The following KCNQ1OT1 variants were observed in gnomAD, a reference collection of about 807,000 sequenced individuals.
KCNQ1OT1 encodes the protein KCNQ1 opposite strand/antisense transcript 1, also known as KCNQ1 antisense RNA 2 (non-protein coding).
exon 1 of KCNQ1OT1, chr11:2,688,796 C>G (rs754643894): frequency 2.5e-6 from 1 of 398,672 alleles, no homozygotes; most frequent in Non-Finnish European, 4.4e-6. Context: ...TGCCCTCCCC[C>G]ACACACAGCC....
Position 2,608,589 on chromosome 11 carries a change from C to T in KCNQ1OT1, n.91406G>A, listed in dbSNP as rs1242985715. 2.8e-5 allele frequency: 11 copies of T among 398,506 alleles called. No homozygotes were observed. In the East Asian group the frequency reaches 2.9e-4, roughly 10 times the overall value. The allele number at this position is 398,506 out of a possible 1,614,324, so 24.7% of individuals were successfully genotyped here. A position where few individuals can be genotyped will look rare whatever the true frequency, so the allele number is the denominator to read the frequency against. On this transcript the variant is annotated non_coding_transcript_exon_variant, in exon 1 of 1. Coordinates refer to ENST00000597346, the Ensembl canonical transcript of KCNQ1OT1. The surrounding 1 kb of genome is among the most constrained non-coding windows in gnomAD (Gnocchi z 4.6). ...CTCCTAGTCTCAAGTGATCCTTGCCCCTTAGCCTATGACAGGTGTGCACCA... is the reference window on the plus strand; with the variant it reads ...CTCCTAGTCTCAAGTGATCCTTGCCTCTTAGCCTATGACAGGTGTGCACCA...
rs1849911984 is a variant in KCNQ1OT1 at position 2,659,474 on chromosome 11, T to C, written n.40521A>G. On this transcript the variant is annotated non_coding_transcript_exon_variant, in exon 1 of 1. Coordinates refer to ENST00000597346, the Ensembl canonical transcript of KCNQ1OT1. This position sits in a 1 kb window ranked among gnomAD's most constrained non-coding sequence, Gnocchi z 4.3. Reference sequence around the variant, plus strand: ...TATTGCTGGGTGGTATTCCATTGCATGAATATATACATTTTGTTTATGCAT... The same window carrying C: ...TATTGCTGGGTGGTATTCCATTGCACGAATATATACATTTTGTTTATGCAT... 2 of 398,614 alleles carry C rather than the reference T, an allele frequency of 5.0e-6. No individual in the cohort carries two copies. Among genetic ancestry groups the C allele is most frequent in the East Asian group, 3.6e-5 (1 of 28,058 alleles). 24.7% of individuals were successfully genotyped at this position (398,614 alleles called of 1,614,324 possible). A position where few individuals can be genotyped will look rare whatever the true frequency, so the allele number is the denominator to read the frequency against.
exon 1 of KCNQ1OT1, chr11:2,699,983 G>A (rs183841991): frequency 2.3e-5 from 9 of 398,180 alleles, no homozygotes; most frequent in South Asian, 1.3e-4. Context: ...GAGGCGACGC[G>A]GCGACCGTTC....
rs1348529386 is a variant in KCNQ1OT1, at chr11:2,657,100, T to C, written n.42895A>G. 5.0e-6 allele frequency: 2 copies of C among 398,506 alleles called. No individual in the cohort carries two copies. Among genetic ancestry groups the C allele is most frequent in the Non-Finnish European group, 8.8e-6 (2 of 226,074 alleles). The allele number at this position is 398,506 out of a possible 1,614,324, so 24.7% of individuals were successfully genotyped here. On this transcript the variant is annotated non_coding_transcript_exon_variant, in exon 1 of 1. Transcript: ENST00000597346. The surrounding 1 kb of genome is among the most constrained non-coding windows in gnomAD (Gnocchi z 4.8). ...GCCTATTTGTCTCTCCCTGTGTCAA[T>C]ACCACATTGCCCTAATGACCACTGC... is the stretch of plus-strand genomic sequence containing the variant.
At chr11:2,648,667 A>T in exon 1 of KCNQ1OT1, 1 of 398,544 alleles carries the variant, frequency 2.5e-6, no homozygotes, top group Non-Finnish European at 4.4e-6. Flanking sequence ...TTAAAAATTT[A>T]TTGAGACCCG....
At chr11:2,655,058 T>A (rs1407992266) in exon 1 of KCNQ1OT1, 52 of 398,516 alleles carry the variant, frequency 1.3e-4, no homozygotes, top group Non-Finnish European at 1.3e-5. Context: ...ATCTGTTTCC[T>A]TCTAGTCTTT....
chr11:2,643,258 A>C (rs999913827), exon 1 of KCNQ1OT1: 18 of 398,028 alleles, frequency 4.5e-5, no homozygotes, highest in African/African-American at 6.2e-5. Flanking sequence ...GGAAATGGAG[A>C]ATTGAAGTTC....
exon 1 of KCNQ1OT1, chr11:2,685,633 G>T (rs934888785): frequency 1.3e-4 from 51 of 398,588 alleles, no homozygotes; most frequent in Non-Finnish European, 2.7e-5. Flanking sequence ...TCCACTCAGG[G>T]TTGAGGGGAC....
rs1250603235 is a variant in KCNQ1OT1 at position 2,674,783 on chromosome 11, C to T, written n.25212G>A. The stretch of plus-strand genomic sequence containing the variant: ...GCCAGACCAGCTTCCTGGAAACTCT[C>T]GCCAACTGCTGGCCTTTGGAAAGGC... On this transcript the variant is annotated non_coding_transcript_exon_variant, in exon 1 of 1. Transcript: ENST00000597346. This position sits in a 1 kb window ranked among gnomAD's most constrained non-coding sequence, Gnocchi z 5.9. The T allele has an allele frequency of 1.3e-5, 5 of 395,120 alleles. No homozygotes were observed. The highest frequency in any genetic ancestry group is 2.1e-5 in the African/African-American group (1 of 47,116). The allele number at this position is 395,120 out of a possible 1,614,324, so 24.5% of individuals were successfully genotyped here. A position where few individuals can be genotyped will look rare whatever the true frequency, so the allele number is the denominator to read the frequency against.
chr11:2,690,145 CCT>C lies in KCNQ1OT1; in HGVS notation n.9848_9849del. On this transcript the variant is annotated non_coding_transcript_exon_variant, in exon 1 of 1. Coordinates refer to ENST00000597346, the Ensembl canonical transcript of KCNQ1OT1. This position sits in a 1 kb window ranked among gnomAD's most constrained non-coding sequence, Gnocchi z 5.1. Reference sequence around the variant, plus strand: ...GGAGCAGGGACAAAAAGCGGGCAGCCCTCCCCAGCATGACAGGATGTGGAAGG... The same window carrying C: ...GGAGCAGGGACAAAAAGCGGGCAGCCCCCCAGCATGACAGGATGTGGAAGG... 1 of 398,922 alleles carries C rather than the reference CCT, an allele frequency of 2.5e-6. No individual in the cohort carries two copies. Among genetic ancestry groups the C allele is most frequent in the Non-Finnish European group, 4.4e-6 (1 of 226,316 alleles). The allele number at this position is 398,922 out of a possible 1,614,324, so 24.7% of individuals were successfully genotyped here. A position where few individuals can be genotyped will look rare whatever the true frequency, so the allele number is the denominator to read the frequency against.
Position 2,674,247 on chromosome 11 carries a change from GCCCCTCTCTCCCAGC to G in KCNQ1OT1, n.25733_25747del, listed in dbSNP as rs1421924239. ...CAGATAGATGTGAGCAGAGCTGGAG[GCCCCTCTCTCCCAGC>G]CCCCGGCACACACACTAGGACCTTT... is the stretch of plus-strand genomic sequence containing the variant. On this transcript the variant is annotated non_coding_transcript_exon_variant, in exon 1 of 1. Transcript: ENST00000597346. This position sits in a 1 kb window ranked among gnomAD's most constrained non-coding sequence, Gnocchi z 5.9. 1 of 398,556 alleles carries G rather than the reference GCCCCTCTCTCCCAGC, an allele frequency of 2.5e-6. No individual in the cohort carries two copies. Among genetic ancestry groups the G allele is most frequent in the Non-Finnish European group, 4.4e-6 (1 of 226,136 alleles). 24.7% of individuals were successfully genotyped at this position (398,556 alleles called of 1,614,324 possible).
In KCNQ1OT1 at chr11:2,612,023, A is replaced by G. The variant is rs1254898697; in HGVS notation, n.87972T>C. 5 of 398,416 alleles carry G rather than the reference A, an allele frequency of 1.3e-5. No individual in the cohort carries two copies. Among genetic ancestry groups the G allele is most frequent in the Non-Finnish European group, 2.2e-5 (5 of 226,048 alleles). The allele number at this position is 398,416 out of a possible 1,614,324, so 24.7% of individuals were successfully genotyped here. On this transcript the variant is annotated non_coding_transcript_exon_variant, in exon 1 of 1. Coordinates refer to ENST00000597346, the Ensembl canonical transcript of KCNQ1OT1. This position sits in a 1 kb window ranked among gnomAD's most constrained non-coding sequence, Gnocchi z 5.5. ...ATATGTTGTTACTCCTTAATTCCAC[A>G]TATGTTTTCTACTCTTAATTACATA...
exon 1 of KCNQ1OT1, chr11:2,610,717 T>TG (rs2133790442): frequency 2.3e-5 from 1 of 42,812 alleles, no homozygotes; most frequent in East Asian, 6.3e-4. Flanking sequence ...CTTGGTTGGC[T>TG]TTTTTTTTTT....
In KCNQ1OT1 at chr11:2,645,430, A is replaced by C. The variant is rs1211218102; in HGVS notation, n.54565T>G. On this transcript the variant is annotated non_coding_transcript_exon_variant, in exon 1 of 1. Coordinates refer to ENST00000597346, the Ensembl canonical transcript of KCNQ1OT1. This position sits in a 1 kb window ranked among gnomAD's most constrained non-coding sequence, Gnocchi z 5.8. ...CCTGAGGCCCTCCAGTAATGCAAGA[A>C]TGTACTGACTGTGGTAGGCAGGCAC... The C allele has an allele frequency of 2.5e-6, 1 of 398,568 alleles. No homozygotes were observed. The highest frequency in any genetic ancestry group is 2.1e-5 in the African/African-American group (1 of 48,628). 24.7% of individuals were successfully genotyped at this position (398,568 alleles called of 1,614,324 possible).
exon 1 of KCNQ1OT1, chr11:2,635,261 C>G (rs1849443456): frequency 2.6e-5 from 4 of 151,850 alleles, no homozygotes; most frequent in African/African-American, 9.7e-5. Context: ...TTGCCCATGC[C>G]TATGTCCTGA....
rs1849657983 is a variant in KCNQ1OT1, at chr11:2,645,872, G to A, written n.54123C>T. ...GATGTGTGAATTGCCTGAGGATTCA[G>A]GGTGATCTCCCTCTCTGGGAGCTGT... On this transcript the variant is annotated non_coding_transcript_exon_variant, in exon 1 of 1. Coordinates refer to ENST00000597346, the Ensembl canonical transcript of KCNQ1OT1. This position sits in a 1 kb window ranked among gnomAD's most constrained non-coding sequence, Gnocchi z 5.8. 1.0e-5 allele frequency: 4 copies of A among 398,522 alleles called. No individual in the cohort carries two copies. Among genetic ancestry groups the A allele is most frequent in the Non-Finnish European group, 1.3e-5 (3 of 226,108 alleles). The allele number at this position is 398,522 out of a possible 1,614,324, so 24.7% of individuals were successfully genotyped here.
exon 1 of KCNQ1OT1, chr11:2,699,765 TGAGGAGCCCCGAGGAGAACCGCGCC>T (rs1850758497): frequency 2.9e-6 from 1 of 344,994 alleles, no homozygotes. Context: ...AGCGCCGCGC[TGAGGAGCCCCGAGGAGAACCGCGCC>T]GAGGGGCGCG....
exon 1 of KCNQ1OT1, chr11:2,614,567 T>A (rs2106467): frequency 5.0e-6 from 2 of 398,156 alleles, no homozygotes; most frequent in Non-Finnish European, 4.4e-6. Flanking sequence ...ATGCTATGAG[T>A]TATGGGTCCA....
At chr11:2,688,584 GCTCA>G (rs377002470) in exon 1 of KCNQ1OT1, 55 of 398,702 alleles carry the variant, frequency 1.4e-4, no homozygotes, top group African/African-American at 1.0e-3. Context: ...GCCAGTGCTC[GCTCA>G]CTGAGGCCAG....
Sources: gnomAD v4.1 joint callset for allele counts on GRCh38, gnomAD v4.1.1 for gene constraint, Gnocchi (gnomAD v3.1) non-coding constraint, MANE v1.5 for transcripts, NCBI Gene and HGNC (gene_info 2026-07-23, HGNC 2026-07-21) for gene names.